The following ATF2 variants were observed in gnomAD, a reference collection of about 807,000 sequenced individuals.
ATF2 encodes the protein cyclic AMP-dependent transcription factor ATF-2.
A neutral mutation model predicts 60.6 loss-of-function variants in ATF2; 24 were observed. That is an observed-to-expected ratio of 0.40 (90% CI 0.29 to 0.56). The LOEUF (loss-of-function observed/expected upper bound fraction) is 0.56. ATF2 is among the 20% of genes least tolerant of loss of function. ATF2 has a pLI of 0.54. For synonymous variants in ATF2, 206 were observed against 215.4 expected (o/e 0.96, Z 0.38); for missense variants, 433 against 607.7 (o/e 0.71, Z 3.02).
chr2:175,157,245 G>A (rs1410469801), intron 1 of ATF2, among the ~76,000 whole-genome samples: 2 of 152,164 alleles, frequency 1.3e-5, no homozygotes, highest in African/African-American at 4.8e-5. Context: ...GCCATTACTA[G>A]GATGTCAGAA....
chr2:175,108,510 G>C (rs1349195075), intron 10 of ATF2, among the ~76,000 whole-genome samples: 2 of 150,060 alleles, frequency 1.3e-5, no homozygotes, highest in Non-Finnish European at 3.0e-5. Context: ...GGAGGGAGGT[G>C]GGGGGTCAGC....
chr2:175,159,923 T>A (rs1282132271), intron 1 of ATF2, among the ~76,000 whole-genome samples: 13 of 152,220 alleles, frequency 8.5e-5, no homozygotes, highest in Non-Finnish European at 1.5e-4. Context: ...AGGTAGGTGA[T>A]AAAATACCTT....
Position 175,093,067 on chromosome 2 carries a change from C to T in ATF2, c.1179G>A (p.Gln393=), listed in dbSNP as rs1320040477. 6.2e-7 allele frequency: 1 copy of T among 1,614,042 alleles called. No individual in the cohort carries two copies. The highest frequency in any genetic ancestry group is 1.7e-5 in the Admixed American group (1 of 59,982). ...TCACATATATGCACCATACCTGCAG[C>T]TGACCATTTAATGAACTCAAGTCTT... The part of the protein sequence containing the change: ...KAEDLSSLNG[Q]LQSEVTLLRN... The change falls in exon 12 of 14, where the codon CAG becomes CAA. Residue 393 remains glutamine, a synonymous_variant. Coordinates refer to ENST00000264110, the MANE Select transcript of ATF2 (RefSeq NM_001880.4).
At chr2:175,102,641 T>C (rs113671480) in intron 10 of ATF2, among the ~76,000 whole-genome samples, 6,081 of 151,928 alleles carry the variant, frequency 0.04, 397 homozygotes, top group African/African-American at 0.14. Flanking sequence ...TGGTGGTGCA[T>C]GCCTGTAGTC....
At chr2:175,160,593 G>A (rs924645608) in intron 1 of ATF2, among the ~76,000 whole-genome samples, 3 of 152,090 alleles carry the variant, frequency 2.0e-5, no homozygotes, top group African/African-American at 7.2e-5. Flanking sequence ...TCTCAACTTT[G>A]TGGCCAAAAA....
At chr2:175,164,889 T>C (rs1700249773) in intron 1 of ATF2, among the ~76,000 whole-genome samples, 2 of 152,240 alleles carry the variant, frequency 1.3e-5, no homozygotes, top group African/African-American at 4.8e-5. Flanking sequence ...TGCAGTCTCA[T>C]TCTGTTGCCC....
chr2:175,144,545 A>G (rs1698815510), intron 2 of ATF2, among the ~76,000 whole-genome samples: 1 of 152,252 alleles, frequency 6.6e-6, no homozygotes. Context: ...AAATTCACAT[A>G]AAAGTTAAGC....
chr2:175,135,495 C>T (rs1698074563), intron 3 of ATF2, among the ~76,000 whole-genome samples: 1 of 152,132 alleles, frequency 6.6e-6, no homozygotes, highest in South Asian at 2.1e-4. Context: ...ATGAATTGAG[C>T]AGTATACTGA....
At chr2:175,163,356 A>G (rs1700142474) in intron 1 of ATF2, among the ~76,000 whole-genome samples, 1 of 152,146 alleles carries the variant, frequency 6.6e-6, no homozygotes, top group African/African-American at 2.4e-5. Flanking sequence ...AAAATACTAT[A>G]TATTACAAAA....
chr2:175,082,051 C>A (rs923447049), intron 12 of ATF2, among the ~76,000 whole-genome samples: 13 of 152,088 alleles, frequency 8.5e-5, no homozygotes, highest in Non-Finnish European at 1.9e-4. Context: ...GAGTGAGACT[C>A]CGTCTCAAAA....
intron 10 of ATF2, among the ~76,000 whole-genome samples, chr2:175,105,188 G>C (rs1695573265): frequency 6.6e-6 from 1 of 151,990 alleles, no homozygotes; most frequent in South Asian, 2.1e-4. Context: ...AAATTGCCTT[G>C]AGAACTTAGG....
intron 12 of ATF2, among the ~76,000 whole-genome samples, chr2:175,085,014 T>G (rs1694053645): frequency 6.6e-6 from 1 of 152,214 alleles, no homozygotes; most frequent in Non-Finnish European, 1.5e-5. Flanking sequence ...ACTTCATCAT[T>G]TATAGCAATA....
chr2:175,134,398 A>T (rs1288528501), intron 3 of ATF2, among the ~76,000 whole-genome samples: 1 of 152,174 alleles, frequency 6.6e-6, no homozygotes, highest in Non-Finnish European at 1.5e-5. Context: ...TCTAAAAAAA[A>T]CGACTGATTT....
intron 11 of ATF2, among the ~76,000 whole-genome samples, 174 bp from the exon 12 acceptor site, chr2:175,093,441 T>C (rs1185319687): frequency 1.3e-5 from 2 of 152,228 alleles, no homozygotes; most frequent in African/African-American, 2.4e-5. Context: ...TTCTTGAATA[T>C]ACTTATGTTA....
intron 1 of ATF2, among the ~76,000 whole-genome samples, chr2:175,163,629 A>C (rs1700156797): frequency 1.3e-5 from 2 of 148,686 alleles, no homozygotes; most frequent in African/African-American, 5.0e-5. Flanking sequence ...CCAAGGAAAA[A>C]AAATCAATAA....
At chr2:175,160,857 G>C in intron 1 of ATF2, among the ~76,000 whole-genome samples, 2 of 152,092 alleles carry the variant, frequency 1.3e-5, no homozygotes, top group South Asian at 4.2e-4. Flanking sequence ...CCTGGGCAAC[G>C]GCAAGACCCC....
chr2:175,127,614 T>C (rs1697424876), intron 4 of ATF2, among the ~76,000 whole-genome samples: 1 of 152,170 alleles, frequency 6.6e-6, no homozygotes, highest in East Asian at 1.9e-4. Flanking sequence ...CTTAACCTTC[T>C]CTCTGTTGGT....
chr2:175,145,905 C>T (rs1348563627), intron 2 of ATF2, among the ~76,000 whole-genome samples: 1 of 152,028 alleles, frequency 6.6e-6, no homozygotes. Context: ...ATAAACTGAA[C>T]ATTTGATAAG....
At chr2:175,141,558 T>C in intron 2 of ATF2, among the ~76,000 whole-genome samples, 1 of 151,954 alleles carries the variant, frequency 6.6e-6, no homozygotes, top group East Asian at 1.9e-4. Context: ...AGTGGCGCAA[T>C]CTCGGTTCAC....
Sources: gnomAD v4.1 joint callset for allele counts (sites outside exome capture counted in the v4.1 genomes callset) on GRCh38, gnomAD v4.1.1 for gene constraint, MANE v1.5 for transcripts, NCBI Gene and HGNC (gene_info 2026-07-23, HGNC 2026-07-21) for gene names.